TMPRSS6: variants seen among roughly 807,000 people sequenced by gnomAD.
The protein encoded by TMPRSS6 is transmembrane protease serine 6.
TMPRSS6 carries 67 observed loss-of-function variants against 101.5 expected under a neutral mutation model. The observed-to-expected ratio is 0.66, with a 90% confidence interval of 0.54 to 0.81. The LOEUF (loss-of-function observed/expected upper bound fraction) is 0.81. TMPRSS6 is among the 30% of genes least tolerant of loss of function. The pLI is 0.00. For synonymous variants in TMPRSS6, 453 were observed against 464.9 expected (o/e 0.97, Z 0.33); for missense variants, 1,034 against 1,088.7 (o/e 0.95, Z 0.71).
intron 3 of TMPRSS6, among the ~76,000 whole-genome samples, chr22:37,098,069 C>A (rs372510041): frequency 3.2e-5 from 4 of 126,388 alleles, no homozygotes; most frequent in Admixed American, 8.0e-5. Context: ...GGGGGAGGAG[C>A]GGGCCACCGT....
Position 37,075,389 on chromosome 22 carries a change from G to T in TMPRSS6, c.1197-109C>A, listed in dbSNP as rs570718248. The T allele has an allele frequency of 6.9e-6, 10 of 1,439,524 alleles. No individual in the cohort carries two copies. The Admixed American group carries it at 1.5e-4, about 21-fold the overall frequency. The allele number at this position is 1,439,524 out of a possible 1,614,324, so 89.2% of individuals were successfully genotyped here. A position where few individuals can be genotyped will look rare whatever the true frequency, so the allele number is the denominator to read the frequency against. ...GAGGGGCAGGGGGAGCTGCACGCCC[G>T]CTGTGCCTCCTCTGCCCTGATTTCT... On this transcript the variant is annotated intron_variant, in intron 10 of 17. Coordinates refer to ENST00000676104, the MANE Select transcript of TMPRSS6 (RefSeq NM_001374504.1).
intron 10 of TMPRSS6, among the ~76,000 whole-genome samples, chr22:37,080,600 C>G (rs971991837): frequency 4.6e-5 from 7 of 152,282 alleles, no homozygotes; most frequent in Admixed American, 3.3e-4. Context: ...ATGATCATAA[C>G]TAGAGGGCAC....
Position 37,069,363 on chromosome 22 carries a change from G to T in TMPRSS6, c.1842-19C>A. 6.9e-7 allele frequency: 1 copy of T among 1,453,178 alleles called. No homozygotes were observed. The allele number at this position is 1,453,178 out of a possible 1,614,324, so 90.0% of individuals were successfully genotyped here. A position where few individuals can be genotyped will look rare whatever the true frequency, so the allele number is the denominator to read the frequency against. On this transcript the variant is annotated intron_variant, in intron 15 of 17. Transcript: ENST00000676104. The surrounding 1 kb of genome is among the most constrained non-coding windows in gnomAD (Gnocchi z 4.8). Reference sequence around the variant, plus strand: ...GGCCATGCTGGGGTGGGGTGGGGTGGGGTGGGGTGGGGTGAGGTGAGGTGG... The same window carrying T: ...GGCCATGCTGGGGTGGGGTGGGGTGTGGTGGGGTGGGGTGAGGTGAGGTGG...
At position 37,070,636 on chromosome 22, in the gene TMPRSS6, G is replaced by A. The variant is rs1478730973; in HGVS notation, c.1689C>T (p.Gly563=). The part of the protein sequence containing the change: ...DEEHCDCGLQ[G]PSSRIVGGAV... ...CTCCACCAACAATGCGGCTGGAGGG[G>A]CCCTGGAGGCCACAGTCTGGGGATG... The change falls in exon 15 of 18, where the codon GGC becomes GGT. Residue 563 remains glycine (G), a synonymous_variant. Transcript: ENST00000676104. 3 of 1,612,878 alleles carry A rather than the reference G, an allele frequency of 1.9e-6. No homozygotes were observed. Among genetic ancestry groups the A allele is most frequent in the East Asian group, 4.5e-5 (2 of 44,888 alleles).
At chr22:37,089,556 G>A (rs1247394349) in intron 7 of TMPRSS6, 22 bp downstream of exon 7, 10 of 736,588 alleles carry the variant, frequency 1.4e-5, no homozygotes, top group East Asian at 3.9e-5. Context: ...CCTCCCTCCT[G>A]CCCTCCTTCC....
chr22:37,106,541 C>T (rs902840378), intron 1 of TMPRSS6, among the ~76,000 whole-genome samples: 1 of 152,172 alleles, frequency 6.6e-6, no homozygotes, highest in Non-Finnish European at 1.5e-5. Flanking sequence ...GTCCAAATGG[C>T]AGTAGTGGGA....
intron 16 of TMPRSS6, 119 bp from the exon 17 acceptor site, chr22:37,067,081 C>A: frequency 6.8e-7 from 1 of 1,470,462 alleles, no homozygotes; most frequent in East Asian, 2.4e-5. Flanking sequence ...TCTGCCCACC[C>A]TTACCCCTGC....
chr22:37,097,182 C>A (rs1271970031), intron 3 of TMPRSS6, among the ~76,000 whole-genome samples: 1 of 152,242 alleles, frequency 6.6e-6, no homozygotes, highest in Non-Finnish European at 1.5e-5. Flanking sequence ...TCACTGCAAC[C>A]CACAACAAAT....
chr22:37,096,064 C>G lies in TMPRSS6; in HGVS notation c.431G>C (p.Trp144Ser). The G allele has an allele frequency of 1.9e-6, 3 of 1,614,174 alleles. No individual in the cohort carries two copies. Among genetic ancestry groups the G allele is most frequent in the Non-Finnish European group, 2.5e-6 (3 of 1,180,034 alleles). Reference sequence around the variant, plus strand: ...GTGCTCGGGGATTTGGAGAATGAACCAGAAGAAGCAGGTGAGGGGTCCCTC... The same window carrying G: ...GTGCTCGGGGATTTGGAGAATGAACGAGAAGAAGCAGGTGAGGGGTCCCTC... ...FGEGPLTCFF[W>S]FILQIPEHRR... Residue 144 changes from tryptophan (W) to serine (S), a missense_variant, in exon 5 of 18, where the codon TGG becomes TCG. Trp to Ser is a radical substitution (Grantham distance 177, BLOSUM62 -3). Coordinates refer to ENST00000676104, the MANE Select transcript of TMPRSS6 (RefSeq NM_001374504.1).
chr22:37,070,505 G>A lies in TMPRSS6; in HGVS notation c.1820C>T (p.Ala607Val). 6.2e-7 allele frequency: 1 copy of A among 1,613,512 alleles called. No individual in the cohort carries two copies. Among genetic ancestry groups the A allele is most frequent in the Non-Finnish European group, 8.5e-7 (1 of 1,180,006 alleles). Residue 607 changes from alanine (A) to valine (V), a missense_variant, in exon 15 of 18, where the codon GCC becomes GTC. Ala to Val is a moderately conservative substitution (Grantham distance 64). Coordinates refer to ENST00000676104, the MANE Select transcript of TMPRSS6 (RefSeq NM_001374504.1). ...LIADRWVITA[A>V]HCFQEDSMAS... ...TCACCTGTCCTCCTGGAAGCAGTGG[G>A]CAGCTGTTATCACCCAGCGGTCAGC...
intron 8 of TMPRSS6, among the ~76,000 whole-genome samples, chr22:37,085,315 A>G (rs1457906753): frequency 6.6e-6 from 1 of 151,936 alleles, no homozygotes; most frequent in African/African-American, 2.4e-5. Flanking sequence ...CCATCTCTCC[A>G]TTGGGCCAGG....
chr22:37,084,662 G>T, intron 9 of TMPRSS6, 65 bp downstream of exon 9: 1 of 1,379,002 alleles, frequency 7.3e-7, no homozygotes, highest in Non-Finnish European at 1.0e-6. Context: ...TCTCATCCCG[G>T]GTCACCAGGG....
chr22:37,092,071 T>C (rs1215517512), intron 6 of TMPRSS6, among the ~76,000 whole-genome samples: 1 of 149,392 alleles, frequency 6.7e-6, no homozygotes, highest in Non-Finnish European at 1.5e-5. Flanking sequence ...TTCTTTGCTC[T>C]TGCCACTTTA....
chr22:37,072,305 TG>T (rs1419253292), intron 13 of TMPRSS6, among the ~76,000 whole-genome samples: 17 of 120,618 alleles, frequency 1.4e-4, no homozygotes, highest in African/African-American at 6.1e-4. Flanking sequence ...GATGGATGGA[TG>T]ATGGATGGAT....
At chr22:37,098,682 G>A (rs1185482220) in intron 2 of TMPRSS6, 133 bp from the exon 3 acceptor site, 28 of 1,125,736 alleles carry the variant, frequency 2.5e-5, no homozygotes, top group Non-Finnish European at 3.5e-5. Flanking sequence ...CACCATCAAT[G>A]TCATCATCAT....
At chr22:37,097,014 G>A (rs1474899420) in intron 3 of TMPRSS6, among the ~76,000 whole-genome samples, 2 of 152,126 alleles carry the variant, frequency 1.3e-5, no homozygotes, top group Admixed American at 1.3e-4. Context: ...AACCCCACTC[G>A]GCTCCTGGGT....
intron 6 of TMPRSS6, among the ~76,000 whole-genome samples, chr22:37,095,252 G>C (rs552941542): frequency 4.1e-4 from 62 of 152,256 alleles, no homozygotes; most frequent in African/African-American, 1.3e-3. Context: ...TGATAGAGGA[G>C]AGTCACGTTC....
Position 37,065,919 on chromosome 22 carries a change from A to G in TMPRSS6, c.*161T>C, listed in dbSNP as rs1314996431. The G allele has an allele frequency of 1.3e-5, 12 of 896,848 alleles. No individual in the cohort carries two copies. The allele number at this position is 896,848 out of a possible 1,614,324, so 55.6% of individuals were successfully genotyped here. ...GGCACTTCTCCATCCTCCTGCCATCACTGGAGCAGACATCAGGGACGAGAC... is the reference window on the plus strand; with the variant it reads ...GGCACTTCTCCATCCTCCTGCCATCGCTGGAGCAGACATCAGGGACGAGAC... On this transcript the variant is annotated 3_prime_UTR_variant, in exon 18 of 18. Coordinates refer to ENST00000676104, the MANE Select transcript of TMPRSS6 (RefSeq NM_001374504.1).
chr22:37,092,933 C>G (rs930343793), intron 6 of TMPRSS6, among the ~76,000 whole-genome samples: 20 of 152,236 alleles, frequency 1.3e-4, no homozygotes, highest in African/African-American at 4.6e-4. Context: ...GAACAATTCC[C>G]TCTCTCCACT....
Sources: allele counts gnomAD v4.1 joint callset (sites outside exome capture counted in the v4.1 genomes callset), GRCh38; gene constraint gnomAD v4.1.1; non-coding constraint Gnocchi (gnomAD v3.1); transcripts MANE v1.5; gene names NCBI Gene and HGNC (gene_info 2026-07-23, HGNC 2026-07-21).